SLC14A2: variants seen among roughly 807,000 people sequenced by gnomAD.
SLC14A2 encodes urea transporter 2.
Under a neutral mutation model 104.6 loss-of-function variants are expected in SLC14A2, and 91 were observed. That is an observed-to-expected ratio of 0.87 (90% CI 0.73 to 1.04). SLC14A2 has a LOEUF of 1.04. SLC14A2 is among the 50% of genes least tolerant of loss of function. SLC14A2 has a pLI of 0.00. For synonymous variants in SLC14A2, 476 were observed against 466.4 expected, an observed-to-expected ratio of 1.02 and a Z score of -0.27; for missense variants, 1,189 against 1,156.0, an observed-to-expected ratio of 1.03 and a Z score of -0.41.
At chr18:45,638,604 G>C (rs1232669980) in intron 6 of SLC14A2, among the ~76,000 whole-genome samples, 11 of 152,284 alleles carry the variant, frequency 7.2e-5, no homozygotes, top group South Asian at 6.2e-4. Flanking sequence ...CTGGGCATCA[G>C]TATTTGTTTA....
chr18:45,550,517 TC>T (rs2144280606), intron 2 of SLC14A2, among the ~76,000 whole-genome samples: 1 of 152,318 alleles, frequency 6.6e-6, no homozygotes, highest in East Asian at 1.9e-4. Flanking sequence ...GGCGTATTCA[TC>T]CCTGAACCCC....
At chr18:45,423,540 C>G (rs893061347) in intron 1 of SLC14A2, among the ~76,000 whole-genome samples, 2 of 152,142 alleles carry the variant, frequency 1.3e-5, no homozygotes, top group South Asian at 4.2e-4. Context: ...TAGTGAGCAT[C>G]TGGCCTATCC....
At chr18:45,574,951 G>T (rs536296758) in intron 2 of SLC14A2, among the ~76,000 whole-genome samples, 5 of 152,146 alleles carry the variant, frequency 3.3e-5, no homozygotes, top group Non-Finnish European at 7.4e-5. Context: ...GTCCTGAAAT[G>T]TACACATCAC....
In SLC14A2 at chr18:45,563,686, C is replaced by G. The variant is rs1048630391; in HGVS notation, c.-34-60945C>G. ...ATTCAGTCTATCTTTTACCAAACTG[C>G]AAACTCTTTGATCATCTCTTTAAAT... On this transcript the variant is annotated intron_variant, in intron 2 of 20. Transcript: ENST00000586448. Among the ~76,000 whole-genome samples, 6 of 152,170 alleles carry G rather than the reference C, an allele frequency of 3.9e-5. No individual in the cohort carries two copies. The East Asian group carries it at 1.2e-3, about 29-fold the overall frequency.
chr18:45,601,019 G>C (rs1207962386), intron 2 of SLC14A2, among the ~76,000 whole-genome samples: 4 of 152,104 alleles, frequency 2.6e-5, no homozygotes, highest in African/African-American at 9.7e-5. Flanking sequence ...AGGATGGGAG[G>C]GGGGACCAAG....
intron 2 of SLC14A2, among the ~76,000 whole-genome samples, chr18:45,544,765 A>G (rs903089357): frequency 1.4e-5 from 2 of 146,734 alleles, no homozygotes; most frequent in African/African-American, 2.5e-5. Context: ...ATGTGATTAT[A>G]TATATATTTA....
intron 18 of SLC14A2, among the ~76,000 whole-genome samples, chr18:45,676,251 C>T (rs1186235335): frequency 6.6e-6 from 1 of 152,174 alleles, no homozygotes; most frequent in African/African-American, 2.4e-5. Context: ...CAAGACTGTG[C>T]CACTCTAGGC....
intron 1 of SLC14A2, among the ~76,000 whole-genome samples, chr18:45,428,704 C>T (rs922825696): frequency 6.6e-6 from 1 of 152,180 alleles, no homozygotes; most frequent in Non-Finnish European, 1.5e-5. Context: ...AAGGAAATAG[C>T]AAGTTTAATG....
intron 1 of SLC14A2, among the ~76,000 whole-genome samples, chr18:45,481,854 T>C (rs2087499441): frequency 6.6e-6 from 1 of 152,232 alleles, no homozygotes; most frequent in African/African-American, 2.4e-5. Flanking sequence ...ATCAGACTTA[T>C]TTCAAAACAA....
intron 1 of SLC14A2, among the ~76,000 whole-genome samples, chr18:45,302,343 A>G (rs1362302591): frequency 2.0e-5 from 3 of 152,228 alleles, no homozygotes; most frequent in Non-Finnish European, 4.4e-5. Context: ...GGTGGGAGCC[A>G]TAAGAATTAT....
At chr18:45,293,854 A>G (rs145066384) in intron 1 of SLC14A2, among the ~76,000 whole-genome samples, 4 of 152,326 alleles carry the variant, frequency 2.6e-5, no homozygotes, top group Non-Finnish European at 5.9e-5. Context: ...GTATGGGGCC[A>G]AAGTATGCCA....
chr18:45,536,815 C>A (rs918058167), intron 2 of SLC14A2, among the ~76,000 whole-genome samples: 2 of 152,164 alleles, frequency 1.3e-5, no homozygotes, highest in East Asian at 1.9e-4. Flanking sequence ...AAACTGGGAG[C>A]CTCCTGGGCT....
chr18:45,634,762 G>C, intron 5 of SLC14A2: 13 of 455,144 alleles, frequency 2.9e-5, no homozygotes, highest in South Asian at 1.9e-4. Flanking sequence ...CAGTTAGAGA[G>C]TTTTAGGCAG....
chr18:45,534,304 AG>A (rs1012807858), intron 2 of SLC14A2, among the ~76,000 whole-genome samples: 4 of 152,162 alleles, frequency 2.6e-5, no homozygotes, highest in Admixed American at 2.6e-4. Context: ...TCTTAGAAAC[AG>A]GGAGCTAGAA....
the SLC14A2 span, among the ~76,000 whole-genome samples, chr18:45,204,884 A>G: frequency 1.7e-3 from 259 of 151,834 alleles, no homozygotes; most frequent in East Asian, 0.017. Flanking sequence ...TCTGCCTCAC[A>G]CTCCACCTAT....
chr18:45,671,513 G>A (rs1328540947), intron 16 of SLC14A2, among the ~76,000 whole-genome samples: 1 of 152,142 alleles, frequency 6.6e-6, no homozygotes, highest in Non-Finnish European at 1.5e-5. Context: ...TGTGACCACT[G>A]AGAGCCCTCT....
At chr18:45,487,442 G>A (rs74740808) in intron 2 of SLC14A2, among the ~76,000 whole-genome samples, 2,720 of 152,240 alleles carry the variant, frequency 0.018, 76 homozygotes, top group African/African-American at 0.063. Context: ...CAACACATTC[G>A]CAAGTTCCTG....
At chr18:45,632,128 GGT>G (rs143569307) in intron 4 of SLC14A2, among the ~76,000 whole-genome samples, 2 of 125,210 alleles carry the variant, frequency 1.6e-5, no homozygotes, top group African/African-American at 5.8e-5. Context: ...GCAAGACAAG[GGT>G]GTGTGTGTGT....
intron 2 of SLC14A2, among the ~76,000 whole-genome samples, chr18:45,575,166 G>A (rs1224997578): frequency 6.6e-6 from 1 of 152,062 alleles, no homozygotes; most frequent in Non-Finnish European, 1.5e-5. Flanking sequence ...TAAAAGGAAG[G>A]TCAGAGTGGG....
Sources: gnomAD v4.1 joint callset for allele counts (sites outside exome capture counted in the v4.1 genomes callset) on GRCh38, gnomAD v4.1.1 for gene constraint, MANE v1.5 for transcripts, NCBI Gene and HGNC (gene_info 2026-07-23, HGNC 2026-07-21) for gene names.